The following SORCS2 variants were observed in gnomAD, a reference collection of about 807,000 sequenced individuals.
The protein encoded by SORCS2 is VPS10 domain-containing receptor SorCS2.
SORCS2 carries 100 observed loss-of-function variants against 141.6 expected under a neutral mutation model. That is an observed-to-expected ratio of 0.71 (90% CI 0.60 to 0.83). The LOEUF (loss-of-function observed/expected upper bound fraction) is 0.83. SORCS2 is among the 40% of genes least tolerant of loss of function. The pLI is 0.00. For missense variants in SORCS2, 1,646 were observed against 1,560.2 expected (o/e 1.05, Z -0.93); for synonymous variants, 789 against 676.9 (o/e 1.17, Z -2.57).
chr4:7,537,736 A>G (rs1036570290), intron 3 of SORCS2, among the ~76,000 whole-genome samples: 1 of 152,196 alleles, frequency 6.6e-6, no homozygotes, highest in Non-Finnish European at 1.5e-5. Flanking sequence ...GGCCGGATGC[A>G]GTGTCTCACA....
At chr4:7,252,719 C>G (rs548115631) in intron 1 of SORCS2, among the ~76,000 whole-genome samples, 2 of 152,314 alleles carry the variant, frequency 1.3e-5, no homozygotes, top group East Asian at 3.9e-4. Context: ...GCCGGTCTGA[C>G]AGGCGTCAGC....
intron 2 of SORCS2, among the ~76,000 whole-genome samples, chr4:7,406,368 CT>C (rs34345581): frequency 7.0e-5 from 10 of 143,658 alleles, no homozygotes; most frequent in African/African-American, 1.8e-4. Context: ...GGATCCTAGG[CT>C]TTTTTTTTTT....
chr4:7,245,154 C>A (rs1003370429), intron 1 of SORCS2, among the ~76,000 whole-genome samples: 4 of 152,204 alleles, frequency 2.6e-5, no homozygotes, highest in African/African-American at 9.7e-5. Context: ...CCCCTGGAAG[C>A]TGCAGGAGCC....
At chr4:7,373,458 T>TTTATATATATATATATATA (rs1553850462) in intron 1 of SORCS2, among the ~76,000 whole-genome samples, 2 of 82,832 alleles carry the variant, frequency 2.4e-5, no homozygotes, top group African/African-American at 1.4e-4. Context: ...TGAGAAACTT[T>TTTATATATATATATATATA]TATATATATA....
chr4:7,678,784 A>C (rs1723326114), intron 9 of SORCS2, among the ~76,000 whole-genome samples: 1 of 150,654 alleles, frequency 6.6e-6, no homozygotes, highest in Non-Finnish European at 1.5e-5. Context: ...GCTGGTGGTT[A>C]CAAGCACAAC....
chr4:7,576,287 C>T (rs1715747120), intron 3 of SORCS2, among the ~76,000 whole-genome samples: 1 of 152,220 alleles, frequency 6.6e-6, no homozygotes, highest in South Asian at 2.1e-4. Context: ...AGTCAAAAGT[C>T]AGTAGGGATC....
At chr4:7,377,348 G>A (rs1577467848) in intron 1 of SORCS2, among the ~76,000 whole-genome samples, 1 of 76,140 alleles carries the variant, frequency 1.3e-5, no homozygotes, top group African/African-American at 5.1e-5. Context: ...CCAGAACTGG[G>A]GCTGTGACGG....
At chr4:7,554,841 C>T (rs1290274758) in intron 3 of SORCS2, among the ~76,000 whole-genome samples, 1 of 152,166 alleles carries the variant, frequency 6.6e-6, no homozygotes, top group East Asian at 1.9e-4. Flanking sequence ...CCGTGAGAAA[C>T]ATGCTGGCTC....
intron 2 of SORCS2, among the ~76,000 whole-genome samples, chr4:7,425,810 C>T (rs775564941): frequency 1.8e-4 from 28 of 152,230 alleles, no homozygotes; most frequent in African/African-American, 3.6e-4. Context: ...GAGGAAGGGG[C>T]GGCAGCAGGC....
chr4:7,572,198 C>T (rs1036231767), intron 3 of SORCS2, among the ~76,000 whole-genome samples: 10 of 152,176 alleles, frequency 6.6e-5, no homozygotes, highest in Non-Finnish European at 1.3e-4. Context: ...TAGCACAGGG[C>T]GTCCAAAGCT....
intron 1 of SORCS2, among the ~76,000 whole-genome samples, chr4:7,302,767 A>ATG (rs753375857): frequency 7.2e-4 from 73 of 101,702 alleles, no homozygotes; most frequent in Admixed American, 1.3e-3. Flanking sequence ...GACAGTCCAC[A>ATG]TATGTGTGTG....
intron 21 of SORCS2, among the ~76,000 whole-genome samples, chr4:7,727,783 G>A (rs150504122): frequency 5.5e-4 from 84 of 152,340 alleles, no homozygotes; most frequent in African/African-American, 1.9e-3. Flanking sequence ...GAAGTGGAGA[G>A]GTTAAAGTTT....
chr4:7,680,528 C>G (rs76625977), intron 9 of SORCS2, among the ~76,000 whole-genome samples: 1 of 152,252 alleles, frequency 6.6e-6, no homozygotes, highest in African/African-American at 2.4e-5. Context: ...GGAGCTGGCT[C>G]CTCCCGGCCC....
rs929147530 is a variant in SORCS2, at chr4:7,689,590, T to TA, written c.1591+3dup. ...CCCCAGGCCTCATCATGGGTGCAGGTAGGTGGCTTCCATCACAGGTGGCTG... is the reference window on the plus strand; with the variant it reads ...CCCCAGGCCTCATCATGGGTGCAGGTAAGGTGGCTTCCATCACAGGTGGCTG... On this transcript the variant is annotated splice_region_variant and intron_variant, in intron 11 of 26. Coordinates refer to ENST00000507866, the MANE Select transcript of SORCS2 (RefSeq NM_020777.3). The TA allele has an allele frequency of 6.3e-7, 1 of 1,579,270 alleles. No individual in the cohort carries two copies. The highest frequency in any genetic ancestry group is 8.6e-7 in the Non-Finnish European group (1 of 1,162,846).
At chr4:7,670,963 T>G (rs926054179) in intron 8 of SORCS2, among the ~76,000 whole-genome samples, 8 of 152,194 alleles carry the variant, frequency 5.3e-5, no homozygotes, top group African/African-American at 1.9e-4. Context: ...TCCAGGAGAT[T>G]TAAAGGGTTA....
intron 2 of SORCS2, among the ~76,000 whole-genome samples, chr4:7,495,730 G>A (rs565654576): frequency 1.2e-4 from 19 of 152,328 alleles, no homozygotes; most frequent in Admixed American, 1.0e-3. Context: ...CCATGATCCT[G>A]ATGCCTGGGC....
chr4:7,740,718 T>A lies in SORCS2; in HGVS notation c.*454T>A. ...GACTTTGCTTCTTCACTCCCACCTG[T>A]GCGGCCACCCAGTCCCTCTGTGGGA... is the stretch of plus-strand genomic sequence containing the variant. On this transcript the variant is annotated 3_prime_UTR_variant, in exon 27 of 27. Transcript: ENST00000507866. 3.4e-6 allele frequency: 1 copy of A among 294,746 alleles called. No individual in the cohort carries two copies. Among genetic ancestry groups the A allele is most frequent in the East Asian group, 5.6e-5 (1 of 17,860 alleles). The allele number at this position is 294,746 out of a possible 1,614,324, so 18.3% of individuals were successfully genotyped here.
intron 3 of SORCS2, among the ~76,000 whole-genome samples, chr4:7,541,915 C>T (rs114187717): frequency 1.6e-4 from 24 of 152,336 alleles, no homozygotes; most frequent in African/African-American, 5.5e-4. Context: ...TAAGCGTGGC[C>T]AGCAGCAAGG....
chr4:7,376,980 G>A (rs963691024), intron 1 of SORCS2, among the ~76,000 whole-genome samples: 5 of 151,942 alleles, frequency 3.3e-5, no homozygotes, highest in Non-Finnish European at 7.4e-5. Context: ...GACCGGCTCT[G>A]CACTGGGATT....
Sources: gnomAD v4.1 joint callset for allele counts (sites outside exome capture counted in the v4.1 genomes callset) on GRCh38, gnomAD v4.1.1 for gene constraint, MANE v1.5 for transcripts, NCBI Gene and HGNC (gene_info 2026-07-23, HGNC 2026-07-21) for gene names.